CSMD1: variants seen among roughly 807,000 people sequenced by gnomAD.
CSMD1 encodes the protein CUB and sushi domain-containing protein 1.
CSMD1 carries 213 observed loss-of-function variants against 417.5 expected under a neutral mutation model. The ratio of observed to expected loss-of-function variants is 0.51; its 90% CI spans 0.46 to 0.57. The LOEUF is 0.57. Ranked by LOEUF, CSMD1 falls within the 20% of genes least tolerant of loss-of-function variation. The pLI is 0.00. For missense variants in CSMD1, 6,923 were observed against 4,529.7 expected (o/e 1.53, Z -15.17); for synonymous variants, 2,862 against 1,736.8 (o/e 1.65, Z -16.11).
chr8:3,411,725 C>CCTGT (rs1812724974), intron 12 of CSMD1, among the ~76,000 whole-genome samples: 1 of 119,004 alleles, frequency 8.4e-6, no homozygotes, highest in African/African-American at 3.3e-5. Flanking sequence ...TATACACGTA[C>CCTGT]ATATATACAC....
At chr8:4,571,816 T>C (rs1041963606) in intron 2 of CSMD1, among the ~76,000 whole-genome samples, 10 of 152,210 alleles carry the variant, frequency 6.6e-5, no homozygotes, top group African/African-American at 2.2e-4. Context: ...GGCTTCTATA[T>C]TGGGTGCATA....
intron 7 of CSMD1, among the ~76,000 whole-genome samples, chr8:3,696,128 C>T (rs1161899116): frequency 6.6e-6 from 1 of 152,162 alleles, no homozygotes; most frequent in East Asian, 1.9e-4. Context: ...TCACTTGAAG[C>T]CATGGTTTTC....
intron 5 of CSMD1, among the ~76,000 whole-genome samples, chr8:3,828,858 T>C (rs1802207203): frequency 1.3e-5 from 2 of 152,076 alleles, no homozygotes; most frequent in South Asian, 4.1e-4. Flanking sequence ...TTTTGTCTTA[T>C]CTCTAGCCCC....
At chr8:4,582,446 C>G (rs199872752) in intron 2 of CSMD1, among the ~76,000 whole-genome samples, 1 of 152,164 alleles carries the variant, frequency 6.6e-6, no homozygotes, top group Non-Finnish European at 1.5e-5. Flanking sequence ...AAAGAAAACA[C>G]AGAGTGGTGA....
chr8:4,134,522 A>G (rs562308492), intron 3 of CSMD1, among the ~76,000 whole-genome samples: 19 of 152,222 alleles, frequency 1.2e-4, no homozygotes, highest in African/African-American at 2.7e-4. Context: ...CTGTGAGAAG[A>G]TAACTCTTGT....
At chr8:2,970,761 C>A (rs978419182) in intron 57 of CSMD1, among the ~76,000 whole-genome samples, 2 of 152,054 alleles carry the variant, frequency 1.3e-5, no homozygotes, top group African/African-American at 4.8e-5. Context: ...CCAAAAGTCC[C>A]GAATGATAAA....
intron 41 of CSMD1, among the ~76,000 whole-genome samples, chr8:3,138,422 A>T (rs1484832679): frequency 1.3e-5 from 2 of 152,168 alleles, no homozygotes; most frequent in African/African-American, 4.8e-5. Context: ...TTCATCACTG[A>T]AAGCAAGTCA....
At position 4,175,931 on chromosome 8, in the gene CSMD1, A is replaced by C. The variant is rs531812466; in HGVS notation, c.416-143832T>G. Among the ~76,000 whole-genome samples, 6 of 152,244 alleles carry C rather than the reference A, an allele frequency of 3.9e-5. No homozygotes were observed. In the East Asian group the frequency reaches 9.7e-4, roughly 25 times the overall value. ...CCACTTTTCTGTGTGGTCACTGTGC[A>C]GGTGCTGTCGACATTGGTGGCATGG... is the stretch of plus-strand genomic sequence containing the variant. On this transcript the variant is annotated intron_variant, in intron 3 of 69. Transcript: ENST00000635120.
intron 1 of CSMD1, among the ~76,000 whole-genome samples, chr8:4,821,478 C>G (rs1399330196): frequency 2.6e-5 from 4 of 152,140 alleles, no homozygotes; most frequent in Non-Finnish European, 5.9e-5. Context: ...AGGGAACGCA[C>G]TTTTCTCATA....
At chr8:3,285,669 G>C (rs1172264833) in intron 25 of CSMD1, among the ~76,000 whole-genome samples, 3 of 152,086 alleles carry the variant, frequency 2.0e-5, no homozygotes, top group Non-Finnish European at 2.9e-5. Flanking sequence ...AAAGTGCTGT[G>C]ATTACAGGCA....
intron 1 of CSMD1, among the ~76,000 whole-genome samples, chr8:4,855,977 T>G (rs1313242127): frequency 6.6e-6 from 1 of 150,542 alleles, no homozygotes; most frequent in Non-Finnish European, 1.5e-5. Context: ...TTCACCAAAG[T>G]TGAAATGAAG....
At chr8:4,563,606 T>G (rs932203412) in intron 2 of CSMD1, among the ~76,000 whole-genome samples, 2 of 152,102 alleles carry the variant, frequency 1.3e-5, no homozygotes, top group African/African-American at 4.8e-5. Flanking sequence ...ACACATCTCT[T>G]TAAAACAATT....
chr8:4,533,645 C>A (rs1159304953), intron 2 of CSMD1, among the ~76,000 whole-genome samples: 7 of 151,874 alleles, frequency 4.6e-5, no homozygotes, highest in African/African-American at 1.7e-4. Context: ...TGGCAGACCC[C>A]AAAACGATGT....
chr8:3,770,312 C>G (rs1475347410), intron 5 of CSMD1, among the ~76,000 whole-genome samples: 1 of 152,152 alleles, frequency 6.6e-6, no homozygotes, highest in Non-Finnish European at 1.5e-5. Flanking sequence ...GGGTGGATCA[C>G]AAGATCAGGA....
intron 5 of CSMD1, among the ~76,000 whole-genome samples, chr8:3,758,823 C>T (rs1441225526): frequency 6.6e-6 from 1 of 152,066 alleles, no homozygotes; most frequent in Non-Finnish European, 1.5e-5. Context: ...GCTTACTGAG[C>T]TTGGGATGGG....
At chr8:4,608,982 G>C (rs573518728) in intron 2 of CSMD1, among the ~76,000 whole-genome samples, 2 of 150,832 alleles carry the variant, frequency 1.3e-5, no homozygotes, top group Non-Finnish European at 2.9e-5. Context: ...CTGCTGAGGT[G>C]CTCAAAGGAA....
intron 5 of CSMD1, among the ~76,000 whole-genome samples, chr8:3,969,311 C>G (rs906045040): frequency 6.6e-6 from 1 of 152,092 alleles, no homozygotes. Context: ...GGAGAAAGGG[C>G]TTCCCAGGCC....
chr8:3,426,746 C>A (rs1011314047), intron 12 of CSMD1, among the ~76,000 whole-genome samples: 1 of 152,154 alleles, frequency 6.6e-6, no homozygotes, highest in African/African-American at 2.4e-5. Flanking sequence ...AAATGTAGGC[C>A]TGACATAAAC....
chr8:3,957,984 G>T (rs1415599247), intron 5 of CSMD1, among the ~76,000 whole-genome samples: 1 of 152,014 alleles, frequency 6.6e-6, no homozygotes, highest in Non-Finnish European at 1.5e-5. Flanking sequence ...CTTTCTTTTT[G>T]CTTGCTTAAC....
Sources: allele counts gnomAD v4.1 joint callset (sites outside exome capture counted in the v4.1 genomes callset), GRCh38; gene constraint gnomAD v4.1.1; transcripts MANE v1.5; gene names NCBI Gene and HGNC (gene_info 2026-07-23, HGNC 2026-07-21).